The following LPP variants were observed in gnomAD, a reference collection of about 807,000 sequenced individuals.
The protein encoded by LPP is lipoma-preferred partner.
Under a neutral mutation model 60.4 loss-of-function variants are expected in LPP, and 38 were observed. The ratio of observed to expected loss-of-function variants is 0.63; its 90% CI spans 0.49 to 0.83. The LOEUF is 0.83. Among genes scored for constraint, LPP ranks in the 40% least tolerant of loss-of-function variants. The pLI is 0.00. For missense variants in LPP, 902 were observed against 783.6 expected, an observed-to-expected ratio of 1.15 and a Z score of -1.80; for synonymous variants, 328 against 290.8, an observed-to-expected ratio of 1.13 and a Z score of -1.30.
intron 1 of LPP, among the ~76,000 whole-genome samples, chr3:188,171,362 A>G (rs531813597): frequency 1.3e-5 from 2 of 152,180 alleles, no homozygotes; most frequent in South Asian, 2.1e-4. Flanking sequence ...TTTTATTGCC[A>G]TTGCTTTTTA....
At chr3:188,333,050 T>C (rs73192621) in intron 2 of LPP, among the ~76,000 whole-genome samples, 1,616 of 152,276 alleles carry the variant, frequency 0.011, 13 homozygotes, top group Middle Eastern at 0.02. Context: ...ATTACATTAA[T>C]TTTTCTATAT....
At chr3:188,250,374 G>T (rs2149551618) in intron 2 of LPP, among the ~76,000 whole-genome samples, 1 of 152,276 alleles carries the variant, frequency 6.6e-6, no homozygotes, top group South Asian at 2.1e-4. Flanking sequence ...CCCTCTCAGG[G>T]ATCACATCTG....
chr3:188,433,404 C>T (rs1280983123), intron 4 of LPP, among the ~76,000 whole-genome samples: 1 of 151,898 alleles, frequency 6.6e-6, no homozygotes, highest in Admixed American at 6.6e-5. Context: ...GTCTGCATGC[C>T]GTCTTTGCTG....
intron 2 of LPP, among the ~76,000 whole-genome samples, chr3:188,313,976 C>T (rs1236851414): frequency 6.6e-6 from 1 of 152,168 alleles, no homozygotes; most frequent in Admixed American, 6.5e-5. Context: ...ATTTTCTGCT[C>T]AGCCACTTTA....
Position 188,212,340 on chromosome 3 carries a change from C to T in LPP, c.-189-13065C>T, listed in dbSNP as rs140302948. ...TGAGCTTAAAGCCTTTCAGACCAGT[C>T]ACTTCCTTGTTTGGGGTGGAGGAGG... On this transcript the variant is annotated intron_variant, in intron 1 of 11. Coordinates refer to ENST00000617246, the MANE Select transcript of LPP (RefSeq NM_001375462.1). Among the ~76,000 whole-genome samples, 488 of 152,300 alleles carry T rather than the reference C, an allele frequency of 3.2e-3. 4 individuals are homozygous for T. The highest frequency in any genetic ancestry group is 0.011 in the African/African-American group (468 of 41,564).
At chr3:188,290,700 C>T (rs576395010) in intron 2 of LPP, among the ~76,000 whole-genome samples, 13 of 152,324 alleles carry the variant, frequency 8.5e-5, no homozygotes, top group African/African-American at 3.1e-4. Context: ...CTGTCCTTGA[C>T]CTTTGTTTAT....
At chr3:188,402,206 T>C (rs1307621010) in intron 3 of LPP, among the ~76,000 whole-genome samples, 1 of 152,040 alleles carries the variant, frequency 6.6e-6, no homozygotes, top group Non-Finnish European at 1.5e-5. Context: ...TAGAGGAGGT[T>C]GGAGAAAACT....
intron 8 of LPP, among the ~76,000 whole-genome samples, chr3:188,720,477 T>C (rs767507746): frequency 4.6e-5 from 7 of 152,038 alleles, no homozygotes; most frequent in African/African-American, 7.2e-5. Flanking sequence ...AAATAGTTCA[T>C]GAGAAGAGGT....
chr3:188,371,929 A>T (rs1773385467), intron 3 of LPP, among the ~76,000 whole-genome samples: 1 of 151,054 alleles, frequency 6.6e-6, no homozygotes, highest in African/African-American at 2.4e-5. Flanking sequence ...AACTGCTGGG[A>T]TTACAGACGT....
chr3:188,464,014 A>G (rs1473283467), intron 4 of LPP, among the ~76,000 whole-genome samples: 2 of 152,196 alleles, frequency 1.3e-5, no homozygotes, highest in African/African-American at 4.8e-5. Context: ...GACTCAATAC[A>G]GTATTGGATT....
chr3:188,339,643 C>T (rs1762528944), intron 2 of LPP, among the ~76,000 whole-genome samples: 1 of 152,150 alleles, frequency 6.6e-6, no homozygotes, highest in Non-Finnish European at 1.5e-5. Flanking sequence ...GTGAGACTCA[C>T]TCACTATCAT....
intron 7 of LPP, among the ~76,000 whole-genome samples, chr3:188,637,451 G>A (rs1003840928): frequency 3.3e-5 from 5 of 151,414 alleles, no homozygotes; most frequent in African/African-American, 1.2e-4. Context: ...ACAATTAAAA[G>A]AACTAGAAAA....
chr3:188,352,549 C>G lies in LPP; in HGVS notation c.-10+10830C>G, dbSNP rs976501832. On this transcript the variant is annotated intron_variant, in intron 3 of 11. Coordinates refer to ENST00000617246, the MANE Select transcript of LPP (RefSeq NM_001375462.1). The surrounding 1 kb of genome is among the most constrained non-coding windows in gnomAD (Gnocchi z 4.4). ...GGCACAGACATTGAATGTTTAGGAG[C>G]AAGAAGGGCTTGTGAATATCCCGTA... is the stretch of plus-strand genomic sequence containing the variant. 4.6e-5 allele frequency among the ~76,000 whole-genome samples: 7 copies of G among 152,172 alleles called. No homozygotes were observed. The highest frequency in any genetic ancestry group is 1.7e-4 in the African/African-American group (7 of 41,440).
chr3:188,599,987 T>A (rs1468439659), intron 6 of LPP, among the ~76,000 whole-genome samples: 2 of 151,928 alleles, frequency 1.3e-5, no homozygotes, highest in African/African-American at 4.8e-5. Context: ...TTCTTTAATG[T>A]GGAAAATAAA....
intron 3 of LPP, among the ~76,000 whole-genome samples, chr3:188,367,054 G>C (rs556846922): frequency 2.6e-5 from 4 of 152,102 alleles, no homozygotes; most frequent in African/African-American, 9.6e-5. Flanking sequence ...CCGCCACCAT[G>C]CCCGGCTAAT....
At chr3:188,573,045 T>C (rs548702953) in intron 6 of LPP, among the ~76,000 whole-genome samples, 3 of 152,240 alleles carry the variant, frequency 2.0e-5, no homozygotes, top group African/African-American at 7.2e-5. Flanking sequence ...TGGAGAACAG[T>C]GTCAATAAGT....
intron 5 of LPP, among the ~76,000 whole-genome samples, chr3:188,502,396 C>T (rs1812185360): frequency 6.6e-6 from 1 of 151,956 alleles, no homozygotes; most frequent in Non-Finnish European, 1.5e-5. Context: ...CCTTTTTTGA[C>T]TTAAAATCTA....
rs181636338 is a variant in LPP at position 188,175,384 on chromosome 3, C to T, written c.-190+21132C>T. ...ATTACAGGCGTGAGCCACCACGCCC[C>T]ACCTAGAGTAGAATTTTAACTTGCT... On this transcript the variant is annotated intron_variant, in intron 1 of 11. Transcript: ENST00000617246. Among the ~76,000 whole-genome samples, 99 of 152,230 alleles carry T rather than the reference C, an allele frequency of 6.5e-4. 1 individual carries two copies. The East Asian group carries it at 0.01, about 16-fold the overall frequency.
chr3:188,614,637 G>A (rs138783910), intron 7 of LPP, among the ~76,000 whole-genome samples: 247 of 152,272 alleles, frequency 1.6e-3, no homozygotes, highest in African/African-American at 5.6e-3. Flanking sequence ...CTCACTTAAC[G>A]TCATATGTCA....
Sources: gnomAD v4.1 joint callset for allele counts (sites outside exome capture counted in the v4.1 genomes callset) on GRCh38, gnomAD v4.1.1 for gene constraint, Gnocchi (gnomAD v3.1) non-coding constraint, MANE v1.5 for transcripts, NCBI Gene and HGNC (gene_info 2026-07-23, HGNC 2026-07-21) for gene names.